EPHA4: variants seen among roughly 807,000 people sequenced by gnomAD.
EPHA4 encodes the protein ephrin type-A receptor 4.
Under a neutral mutation model 108.3 loss-of-function variants are expected in EPHA4, and 19 were observed. The ratio of observed to expected loss-of-function variants is 0.18; its 90% CI spans 0.12 to 0.26. EPHA4 has a LOEUF of 0.26. Ranked by LOEUF, EPHA4 falls within the 10% of genes least tolerant of loss-of-function variation. The pLI is 1.00. For synonymous variants in EPHA4, 449 were observed against 455.5 expected, an observed-to-expected ratio of 0.99 and a Z score of 0.18; for missense variants, 917 against 1,254.0, an observed-to-expected ratio of 0.73 and a Z score of 4.06.
chr2:221,482,735 C>T, intron 4 of EPHA4, 45 bp from the exon 5 acceptor site: 1 of 1,491,286 alleles, frequency 6.7e-7, no homozygotes. Flanking sequence ...CCGAAATACC[C>T]TTTTGGAATC....
At chr2:221,445,922 C>T (rs1221805849) in intron 9 of EPHA4, among the ~76,000 whole-genome samples, 4 of 152,110 alleles carry the variant, frequency 2.6e-5, no homozygotes, top group African/African-American at 7.2e-5. Context: ...AGAAACTTCT[C>T]TACCTCATCC....
chr2:221,478,645 T>C (rs1387946718), intron 5 of EPHA4, among the ~76,000 whole-genome samples: 1 of 152,068 alleles, frequency 6.6e-6, no homozygotes, highest in Admixed American at 6.6e-5. Context: ...GGCATGGGGG[T>C]GAGGCTGGGA....
At chr2:221,545,235 CGAGG>C (rs1693957942) in intron 3 of EPHA4, among the ~76,000 whole-genome samples, 1 of 23,734 alleles carries the variant, frequency 4.2e-5, no homozygotes. Context: ...ATCACGAGGT[CGAGG>C]TGGGCGGATC....
At chr2:221,493,405 T>C (rs1416519773) in intron 4 of EPHA4, among the ~76,000 whole-genome samples, 1 of 152,020 alleles carries the variant, frequency 6.6e-6, no homozygotes, top group African/African-American at 2.4e-5. Context: ...AAGAGCTTGT[T>C]TGAAAATGGA....
At chr2:221,497,745 ATG>A (rs1692341556) in intron 4 of EPHA4, among the ~76,000 whole-genome samples, 1 of 152,084 alleles carries the variant, frequency 6.6e-6, no homozygotes, top group South Asian at 2.1e-4. Context: ...CAAAAAAAAA[ATG>A]AAAAAATAAG....
chr2:221,442,090 G>A (rs1346528899), intron 11 of EPHA4, among the ~76,000 whole-genome samples: 2 of 152,166 alleles, frequency 1.3e-5, no homozygotes, highest in African/African-American at 4.8e-5. Context: ...AGGCTTATGA[G>A]ATCCTTGACT....
At chr2:221,420,601 G>A (rs1485496807) in intron 17 of EPHA4, 49 bp from the exon 18 acceptor site, 1 of 152,142 alleles carries the variant, frequency 6.6e-6, no homozygotes, top group Non-Finnish European at 1.5e-5. Flanking sequence ...CCCATATTGC[G>A]AGCCAACTGT....
intron 3 of EPHA4, among the ~76,000 whole-genome samples, chr2:221,516,262 A>G (rs1692985886): frequency 1.3e-5 from 2 of 152,180 alleles, no homozygotes; most frequent in South Asian, 4.1e-4. Context: ...GTTTCCTCTA[A>G]GAGTACCAGA....
intron 5 of EPHA4, among the ~76,000 whole-genome samples, chr2:221,461,351 T>G (rs1000969758): frequency 2.6e-5 from 4 of 152,224 alleles, no homozygotes; most frequent in Non-Finnish European, 5.9e-5. Context: ...GCCTTTTGCT[T>G]ACAGAATTAG....
chr2:221,566,944 G>A (rs7586730), intron 2 of EPHA4, among the ~76,000 whole-genome samples: 712 of 7,640 alleles, frequency 0.093, 222 homozygotes, highest in African/African-American at 0.29. Context: ...GAAGGAGAAG[G>A]AGAAGGAGAA....
intron 4 of EPHA4, among the ~76,000 whole-genome samples, chr2:221,498,790 CTTTTTTTTTTTTTTTTT>C (rs71050338): frequency 0.26 from 35,597 of 135,648 alleles, 5,015 homozygotes; most frequent in East Asian, 0.39. Flanking sequence ...TTTTTTTTTT[CTTTTTTTTTTTTTTTTT>C]GAGACGACAG....
At chr2:221,521,168 T>C (rs1022959831) in intron 3 of EPHA4, among the ~76,000 whole-genome samples, 3 of 152,210 alleles carry the variant, frequency 2.0e-5, no homozygotes, top group Non-Finnish European at 4.4e-5. Context: ...ACCCTCGGAC[T>C]CTATTACCTA....
chr2:221,568,419 G>T (rs10175097), intron 2 of EPHA4, among the ~76,000 whole-genome samples: 2,765 of 152,050 alleles, frequency 0.018, 77 homozygotes, highest in African/African-American at 0.063. Context: ...ATTCTAATTT[G>T]GTCCCCGGAT....
chr2:221,540,842 G>A (rs953431491), intron 3 of EPHA4, among the ~76,000 whole-genome samples: 3 of 152,124 alleles, frequency 2.0e-5, no homozygotes, highest in African/African-American at 7.2e-5. Context: ...GGCAACAGAG[G>A]GAGATGGGAA....
At chr2:221,519,404 C>T (rs1322610303) in intron 3 of EPHA4, among the ~76,000 whole-genome samples, 1 of 152,130 alleles carries the variant, frequency 6.6e-6, no homozygotes, top group East Asian at 1.9e-4. Flanking sequence ...ACATTCCTCC[C>T]AAAGCTCTGT....
intron 3 of EPHA4, among the ~76,000 whole-genome samples, chr2:221,542,120 G>C (rs1482695580): frequency 6.6e-6 from 1 of 152,162 alleles, no homozygotes; most frequent in Non-Finnish European, 1.5e-5. Flanking sequence ...CAGAGGCCAG[G>C]GTAGGCAGGA....
At chr2:221,443,093 G>A in intron 10 of EPHA4, 79 bp from the exon 11 acceptor site, 1 of 1,441,104 alleles carries the variant, frequency 6.9e-7, no homozygotes, top group Non-Finnish European at 9.6e-7. Context: ...TTCCTTGAGT[G>A]CTTGTTACAC....
At chr2:221,473,204 C>G (rs767588582) in intron 5 of EPHA4, among the ~76,000 whole-genome samples, 5 of 152,048 alleles carry the variant, frequency 3.3e-5, no homozygotes, top group Non-Finnish European at 5.9e-5. Context: ...AGCATGAGTA[C>G]AGGTTGTGGG....
At chr2:221,560,726 C>T (rs1049204805) in intron 3 of EPHA4, among the ~76,000 whole-genome samples, 3 of 152,192 alleles carry the variant, frequency 2.0e-5, no homozygotes, top group African/African-American at 7.2e-5. Flanking sequence ...CTAAATATAA[C>T]TATTATCATC....
Sources: allele counts gnomAD v4.1 joint callset (sites outside exome capture counted in the v4.1 genomes callset), GRCh38; gene constraint gnomAD v4.1.1; transcripts MANE v1.5; gene names NCBI Gene and HGNC (gene_info 2026-07-23, HGNC 2026-07-21).